UGT2B15: variants seen among roughly 807,000 people sequenced by gnomAD.
The protein encoded by UGT2B15 is UDP-glucuronosyltransferase 2B15.
A neutral mutation model predicts 45.9 loss-of-function variants in UGT2B15; 36 were observed. The ratio of observed to expected loss-of-function variants is 0.78; its 90% CI spans 0.60 to 1.04. UGT2B15 has a LOEUF of 1.04. Ranked by LOEUF, UGT2B15 falls within the 50% of genes least tolerant of loss-of-function variation. The pLI is 0.00. For synonymous variants in UGT2B15, 219 were observed against 216.4 expected (o/e 1.01, Z -0.11); for missense variants, 617 against 622.4 (o/e 0.99, Z 0.09).
chr4:68,657,878 C>T (rs529512806), intron 3 of UGT2B15, among the ~76,000 whole-genome samples: 1 of 152,006 alleles, frequency 6.6e-6, no homozygotes, highest in East Asian at 1.9e-4. Flanking sequence ...TGTGTGTGTA[C>T]ATGTGTTTGC....
chr4:68,666,747 TA>T (rs1224120233), intron 2 of UGT2B15, among the ~76,000 whole-genome samples: 6 of 81,182 alleles, frequency 7.4e-5, no homozygotes, highest in South Asian at 6.0e-4. Flanking sequence ...TATATATATA[TA>T]TATATTTTTT....
At chr4:68,653,035 G>T (rs1732701445) in intron 5 of UGT2B15, among the ~76,000 whole-genome samples, 1 of 151,978 alleles carries the variant, frequency 6.6e-6, no homozygotes, top group African/African-American at 2.4e-5. Flanking sequence ...AGAGTGTGAA[G>T]AAATTAGAGC....
In UGT2B15 at chr4:68,654,039, A is replaced by G. The variant is rs758217663; in HGVS notation, c.1311T>C (p.Pro437=). The G allele has an allele frequency of 6.2e-7, 1 of 1,612,950 alleles. No individual in the cohort carries two copies. Among genetic ancestry groups the G allele is most frequent in the Non-Finnish European group, 8.5e-7 (1 of 1,179,152 alleles). The part of the protein sequence containing the change: ...LNALKSVIND[P]VYKENVMKLS... ...GGTCACAAAACTGTAATACTCACACAGGGTCATTAATGACTGACTTCAATG... is the reference window on the plus strand; with the variant it reads ...GGTCACAAAACTGTAATACTCACACGGGGTCATTAATGACTGACTTCAATG... The change falls in exon 5 of 6, where the codon CCT becomes CCC. Residue 437 remains proline (P), a splice_region_variant and synonymous_variant. Transcript: ENST00000338206.
Position 68,670,572 on chromosome 4 carries a change from C to A in UGT2B15, c.47G>T (p.Cys16Phe), listed in dbSNP as rs1396369958. ...TSVFLLIQLS[C>F]YFSSGSCGKV... ...TCCACAGCTTCCAGAGCTAAAGTAA[C>A]AACTGAGCTGTATCAGCAGAAAGAC... Residue 16 changes from cysteine to phenylalanine, a missense_variant, in exon 1 of 6, where the codon TGT becomes TTT. Coordinates refer to ENST00000338206, the MANE Select transcript of UGT2B15 (RefSeq NM_001076.4). 1 of 1,601,206 alleles carries A rather than the reference C, an allele frequency of 6.2e-7. No homozygotes were observed. Among genetic ancestry groups the A allele is most frequent in the African/African-American group, 1.4e-5 (1 of 73,992 alleles).
chr4:68,652,127 T>G lies in UGT2B15; in HGVS notation c.1313+1910A>C, dbSNP rs142924883. On this transcript the variant is annotated intron_variant, in intron 5 of 5. Transcript: ENST00000338206. The stretch of plus-strand genomic sequence containing the variant: ...CATATGCCTAGGTATTTTATTCTCT[T>G]TGTTGCAATTGTGAATGGGAATTTA... Among the ~76,000 whole-genome samples, 852 of 152,118 alleles carry G rather than the reference T, an allele frequency of 5.6e-3. 12 individuals are homozygous for G. Among genetic ancestry groups the G allele is most frequent in the African/African-American group, 0.019 (796 of 41,500 alleles).
chr4:68,652,376 C>A (rs1157784852), intron 5 of UGT2B15, among the ~76,000 whole-genome samples: 2 of 151,864 alleles, frequency 1.3e-5, no homozygotes, highest in South Asian at 2.1e-4. Flanking sequence ...TTATTTCTTT[C>A]TCTAGTTCAC....
At position 68,646,885 on chromosome 4, in the gene UGT2B15, C is replaced by T. The variant is rs528008904; in HGVS notation, c.*219G>A. The stretch of plus-strand genomic sequence containing the variant: ...AGGTATATCTCCAAATGCTATCCTT[C>T]CCCCCATTGTATTTTTCATAGCTTA... On this transcript the variant is annotated 3_prime_UTR_variant, in exon 6 of 6. Transcript: ENST00000338206. 200 of 697,994 alleles carry T rather than the reference C, an allele frequency of 2.9e-4. 2 individuals carry two copies. In the South Asian group the frequency reaches 4.3e-3, roughly 15 times the overall value. The allele number at this position is 697,994 out of a possible 1,614,324, so 43.2% of individuals were successfully genotyped here.
At chr4:68,662,372 G>C (rs1732991780) in intron 3 of UGT2B15, among the ~76,000 whole-genome samples, 1 of 150,270 alleles carries the variant, frequency 6.7e-6, no homozygotes, top group African/African-American at 2.5e-5. Flanking sequence ...CGGCACCCAA[G>C]TCAGCAGAGC....
chr4:68,647,208 A>G lies in UGT2B15; in HGVS notation c.1489T>C (p.Phe497Leu), dbSNP rs1351756750. Residue 497 changes from phenylalanine to leucine, a missense_variant, in exon 6 of 6, where the codon TTC (phenylalanine) becomes CTC (leucine). Transcript: ENST00000338206. ...ACAGTTGCCACGCAGGCCAGCAGGA[A>G]TGCTATCACATCCAAAGAGTGGTAC... Reference protein sequence around the residue: ...IQYHSLDVIAFLLACVATVIF... With the variant: ...IQYHSLDVIALLLACVATVIF... The G allele has an allele frequency of 1.9e-6, 3 of 1,613,896 alleles. No individual in the cohort carries two copies. The highest frequency in any genetic ancestry group is 2.5e-6 in the Non-Finnish European group (3 of 1,179,938).
In UGT2B15 at chr4:68,670,157, A is replaced by G; in HGVS notation, c.462T>C (p.Leu154=). 6.2e-7 allele frequency: 1 copy of G among 1,614,104 alleles called. No individual in the cohort carries two copies. The highest frequency in any genetic ancestry group is 8.5e-7 in the Non-Finnish European group (1 of 1,179,990). The stretch of plus-strand genomic sequence containing the variant: ...CAGCCAGTAGCTCACCACAGGGATT[A>G]AGGGCATCTGCCAGAATGACATCAA... The part of the protein sequence containing the change: ...SKFDVILADA[L]NPCGELLAEL... Residue 154 remains leucine (L), a synonymous_variant, in exon 1 of 6, where the codon CTT becomes CTC. Coordinates refer to ENST00000338206, the MANE Select transcript of UGT2B15 (RefSeq NM_001076.4).
intron 3 of UGT2B15, among the ~76,000 whole-genome samples, chr4:68,662,727 A>G (rs1454424871): frequency 1.3e-5 from 2 of 150,628 alleles, no homozygotes; most frequent in African/African-American, 2.4e-5. Flanking sequence ...AGTGATTTCT[A>G]TGTACATGCT....
intron 3 of UGT2B15, among the ~76,000 whole-genome samples, chr4:68,655,587 G>A (rs907506851): frequency 1.3e-5 from 2 of 151,982 alleles, no homozygotes; most frequent in African/African-American, 4.8e-5. Context: ...CATTTCGAGA[G>A]GCTAATCAGA....
intron 2 of UGT2B15, among the ~76,000 whole-genome samples, chr4:68,667,670 TA>T (rs1356136995): frequency 6.6e-6 from 1 of 152,306 alleles, no homozygotes. Flanking sequence ...AAGTACAATG[TA>T]AGGCATGAGG....
At chr4:68,647,459 T>C (rs1732516579) in intron 5 of UGT2B15, 76 bp from the exon 6 acceptor site, 1 of 1,448,110 alleles carries the variant, frequency 6.9e-7, no homozygotes. Context: ...TGGATGGTCT[T>C]TGAAAAGTGT....
intron 5 of UGT2B15, among the ~76,000 whole-genome samples, chr4:68,650,520 A>G (rs1294591248): frequency 6.6e-6 from 1 of 152,000 alleles, no homozygotes; most frequent in Non-Finnish European, 1.5e-5. Flanking sequence ...GTGTACATGT[A>G]TCATATTTTC....
chr4:68,665,426 A>G (rs1449526159), intron 2 of UGT2B15, among the ~76,000 whole-genome samples: 12 of 152,142 alleles, frequency 7.9e-5, no homozygotes, highest in African/African-American at 2.4e-4. Flanking sequence ...TATGCACATT[A>G]TGTAAGTTTT....
chr4:68,647,333 A>G lies in UGT2B15; in HGVS notation c.1364T>C (p.Met455Thr). 1 of 1,613,776 alleles carries G rather than the reference A, an allele frequency of 6.2e-7. No individual in the cohort carries two copies. Among genetic ancestry groups the G allele is most frequent in the Non-Finnish European group, 8.5e-7 (1 of 1,179,758 alleles). Residue 455 changes from methionine to threonine, a missense_variant, in exon 6 of 6, where the codon ATG (methionine) becomes ACG (threonine). Coordinates refer to ENST00000338206, the MANE Select transcript of UGT2B15 (RefSeq NM_001076.4). ...KLSRIHHDQPMKPLDRAVFWI... is the reference protein window; with the variant it reads ...KLSRIHHDQPTKPLDRAVFWI... ...GAAGACTGCTCGATCCAGGGGCTTC[A>G]TTGGTTGGTCATGATGAATTCTTGA...
Position 68,669,918 on chromosome 4 carries a change from T to C in UGT2B15, c.701A>G (p.Asp234Gly). 6.2e-7 allele frequency: 1 copy of C among 1,611,586 alleles called. No individual in the cohort carries two copies. Among genetic ancestry groups the C allele is most frequent in the African/African-American group, 1.3e-5 (1 of 74,690 alleles). ...ACCTAGAACTTCACTATAAAACTGG[T>C]CCCACTTCTTCAGATCATAAATTTG... ...WFQIYDLKKW[D>G]QFYSEVLGRP... The change falls in exon 1 of 6, where the codon GAC becomes GGC. Residue 234 changes from aspartate (D) to glycine (G), a missense_variant. Asp to Gly is a moderately conservative substitution (Grantham distance 94). Around this residue, in one of 3 missense-constraint regions of UGT2B15, gnomAD observed 351 missense variants for 342.1 expected, o/e 1.03. Transcript: ENST00000338206.
At chr4:68,653,921 G>T in intron 5 of UGT2B15, 116 bp downstream of exon 5, 1 of 1,346,866 alleles carries the variant, frequency 7.4e-7, no homozygotes, top group Non-Finnish European at 1.0e-6. Flanking sequence ...ATTTTACATT[G>T]GTTAAATCAC....
Sources: gnomAD v4.1 joint callset for allele counts (sites outside exome capture counted in the v4.1 genomes callset) on GRCh38, gnomAD v4.1.1 for gene constraint, gnomAD v4.1.1 regional missense constraint, MANE v1.5 for transcripts, NCBI Gene and HGNC (gene_info 2026-07-23, HGNC 2026-07-21) for gene names.